The following RGS6 variants were observed in gnomAD, a reference collection of about 807,000 sequenced individuals.
The protein encoded by RGS6 is regulator of G protein signaling 6.
In RGS6, 30 loss-of-function variants were observed where a neutral mutation model predicts 78.5. The observed-to-expected ratio is 0.38, with a 90% CI of 0.29 to 0.52. The LOEUF is 0.52. RGS6 is among the 20% of genes least tolerant of loss of function. The probability of loss-of-function intolerance (pLI) is 0.85; values close to 1 mark genes in which losing one functional copy is unlikely to be tolerated. For synonymous variants in RGS6, 206 were observed against 206.0 expected (o/e 1.00, Z 0.00); for missense variants, 495 against 609.7 (o/e 0.81, Z 1.98).
chr14:72,469,887 C>T, intron 7 of RGS6, 120 bp from the exon 8 acceptor site: 1 of 693,120 alleles, frequency 1.4e-6, no homozygotes, highest in Non-Finnish European at 2.6e-6. Flanking sequence ...GGATTTAAAG[C>T]AGGTCTTGCT....
chr14:72,564,789 G>A lies in RGS6; in HGVS notation c.*2322G>A, dbSNP rs1249910214. The A allele has an allele frequency of 6.6e-6, 1 of 152,368 alleles. No homozygotes were observed. The highest frequency in any genetic ancestry group is 1.9e-4 in the East Asian group (1 of 5,202). 9.4% of individuals were successfully genotyped at this position (152,368 alleles called of 1,614,324 possible). ...CCAGGTGGACTGTGGCCCTGAGATG[G>A]AGCTGGCTGCAGGCTTACAAGCACC... On this transcript the variant is annotated 3_prime_UTR_variant, in exon 18 of 18. Transcript: ENST00000553525.
At chr14:72,446,296 C>T (rs2153222220) in intron 3 of RGS6, among the ~76,000 whole-genome samples, 1 of 152,286 alleles carries the variant, frequency 6.6e-6, no homozygotes, top group South Asian at 2.1e-4. Context: ...TTTGTGATAC[C>T]TTGTCATGGA....
intron 2 of RGS6, among the ~76,000 whole-genome samples, chr14:72,197,592 A>G (rs1162289196): frequency 1.3e-5 from 2 of 152,260 alleles, no homozygotes; most frequent in Non-Finnish European, 2.9e-5. Context: ...TTTATTTAAT[A>G]GTATTTTTAA....
intron 2 of RGS6, among the ~76,000 whole-genome samples, chr14:72,012,089 T>C (rs910869274): frequency 7.9e-5 from 12 of 152,364 alleles, no homozygotes; most frequent in African/African-American, 2.6e-4. Context: ...ATAACAATTA[T>C]GTATCAGTAG....
chr14:72,185,891 C>G (rs1437068821), intron 2 of RGS6, among the ~76,000 whole-genome samples: 1 of 152,228 alleles, frequency 6.6e-6, no homozygotes, highest in Non-Finnish European at 1.5e-5. Flanking sequence ...GCAATGAGCT[C>G]AGGCCACTGT....
chr14:72,499,478 T>G (rs886976693), intron 13 of RGS6, among the ~76,000 whole-genome samples: 1 of 152,162 alleles, frequency 6.6e-6, no homozygotes, highest in Non-Finnish European at 1.5e-5. Context: ...AAGGCTTCTG[T>G]TGGGGACACT....
chr14:72,400,377 A>G (rs1566739567), intron 3 of RGS6, among the ~76,000 whole-genome samples: 1 of 152,224 alleles, frequency 6.6e-6, no homozygotes, highest in Non-Finnish European at 1.5e-5. Context: ...TCGAGCAATG[A>G]AAGAAGATGA....
intron 2 of RGS6, among the ~76,000 whole-genome samples, chr14:72,060,682 A>G (rs1323946996): frequency 6.6e-6 from 1 of 152,242 alleles, no homozygotes; most frequent in East Asian, 1.9e-4. Context: ...AAGTGCCTAC[A>G]AAATTAGAAG....
intron 3 of RGS6, among the ~76,000 whole-genome samples, chr14:72,378,663 G>A (rs576450144): frequency 2.6e-5 from 4 of 152,042 alleles, no homozygotes; most frequent in African/African-American, 9.6e-5. Context: ...AACCTGAATA[G>A]GTCAATAACA....
chr14:72,384,731 G>A (rs1431809037), intron 3 of RGS6, among the ~76,000 whole-genome samples: 2 of 151,888 alleles, frequency 1.3e-5, no homozygotes, highest in Admixed American at 6.6e-5. Flanking sequence ...GAGGGGACAC[G>A]GTTTGCATAT....
the RGS6 span, among the ~76,000 whole-genome samples, chr14:72,613,563 G>A: frequency 5.9e-5 from 9 of 152,346 alleles, no homozygotes; most frequent in South Asian, 1.9e-3. Flanking sequence ...GAAAGGGAAG[G>A]AGTGGGGACA....
At chr14:72,027,446 T>C (rs1007859933) in intron 2 of RGS6, among the ~76,000 whole-genome samples, 1 of 152,108 alleles carries the variant, frequency 6.6e-6, no homozygotes, top group Non-Finnish European at 1.5e-5. Flanking sequence ...TCTATGACAT[T>C]GACAATGTGA....
chr14:72,262,910 G>A (rs560138871), intron 2 of RGS6, among the ~76,000 whole-genome samples: 1 of 152,072 alleles, frequency 6.6e-6, no homozygotes, highest in Admixed American at 6.5e-5. Context: ...CCTCAGGAGG[G>A]TCCTTTTCCT....
At chr14:72,381,803 A>C (rs377658291) in intron 3 of RGS6, among the ~76,000 whole-genome samples, 2 of 152,268 alleles carry the variant, frequency 1.3e-5, no homozygotes, top group South Asian at 2.1e-4. Flanking sequence ...AAGAAAAAGC[A>C]ATAATATCCA....
intron 15 of RGS6, among the ~76,000 whole-genome samples, chr14:72,527,253 G>A (rs1267459824): frequency 2.6e-5 from 4 of 152,214 alleles, no homozygotes; most frequent in Non-Finnish European, 1.5e-5. Context: ...TCAGATTTAG[G>A]ACTCAAGAGG....
At chr14:72,500,344 C>T (rs952434368) in intron 13 of RGS6, among the ~76,000 whole-genome samples, 7 of 152,224 alleles carry the variant, frequency 4.6e-5, no homozygotes, top group African/African-American at 1.2e-4. Flanking sequence ...CAACAGACTA[C>T]TCCTACCCAC....
intron 3 of RGS6, among the ~76,000 whole-genome samples, chr14:72,356,619 A>G (rs935104171): frequency 3.3e-5 from 5 of 152,172 alleles, no homozygotes; most frequent in African/African-American, 9.7e-5. Flanking sequence ...AATAGTTCCC[A>G]TAATTCCCAC....
At position 72,016,135 on chromosome 14, in the gene RGS6, A is replaced by G. The variant is rs147759683; in HGVS notation, c.84+51260A>G. Among the ~76,000 whole-genome samples, 6 of 152,320 alleles carry G rather than the reference A, an allele frequency of 3.9e-5. No individual in the cohort carries two copies. In the East Asian group the frequency reaches 1.2e-3, roughly 29 times the overall value. On this transcript the variant is annotated intron_variant, in intron 2 of 17. Transcript: ENST00000553525. ...TAAAAAGAAATACTGCTCTATCCCA[A>G]TGTCATAAGAATAATTTCCTATACA...
chr14:72,497,098 T>C (rs1256251154), intron 13 of RGS6, among the ~76,000 whole-genome samples: 1 of 152,204 alleles, frequency 6.6e-6, no homozygotes, highest in Non-Finnish European at 1.5e-5. Context: ...CATCAGTATA[T>C]ATTTTCCAGG....
Sources: allele counts gnomAD v4.1 joint callset (sites outside exome capture counted in the v4.1 genomes callset), GRCh38; gene constraint gnomAD v4.1.1; transcripts MANE v1.5; gene names NCBI Gene and HGNC (gene_info 2026-07-23, HGNC 2026-07-21).